The following TENM3 variants were observed in gnomAD, a reference collection of about 807,000 sequenced individuals.
The protein encoded by TENM3 is teneurin-3.
TENM3 carries 63 observed loss-of-function variants against 255.1 expected under a neutral mutation model. That is an observed-to-expected ratio of 0.25 (90% confidence interval 0.20 to 0.30). The LOEUF is 0.30. TENM3 is among the 10% of genes least tolerant of loss of function. The pLI is 1.00. For missense variants in TENM3, 2,929 were observed against 3,461.1 expected, an observed-to-expected ratio of 0.85 and a Z score of 3.86; for synonymous variants, 1,306 against 1,322.3, an observed-to-expected ratio of 0.99 and a Z score of 0.27.
chr4:182,532,455 C>T lies in TENM3; in HGVS notation c.512-68469C>T, dbSNP rs186229800. Among the ~76,000 whole-genome samples, 4 of 152,214 alleles carry T rather than the reference C, an allele frequency of 2.6e-5. 1 individual carries two copies. Among genetic ancestry groups the T allele is most frequent in the Admixed American group, 2.6e-4 (4 of 15,284 alleles). The stretch of plus-strand genomic sequence containing the variant: ...ATGCCATTACTTTTCCTGGATTAAT[C>T]GATTGTAATATCCACTCTCCTGTAT... On this transcript the variant is annotated intron_variant, in intron 3 of 27. Transcript: ENST00000511685.
the TENM3 span, among the ~76,000 whole-genome samples, chr4:181,635,835 G>A: frequency 1.1e-3 from 162 of 152,268 alleles, 3 homozygotes; most frequent in South Asian, 6.0e-3. Flanking sequence ...GGGAGACGGG[G>A]CTTCCTCACA....
At chr4:181,470,180 G>A in the TENM3 span, among the ~76,000 whole-genome samples, 1 of 148,192 alleles carries the variant, frequency 6.7e-6, no homozygotes, top group Non-Finnish European at 1.5e-5. Context: ...AGTATTGTAA[G>A]ATCAAATCAG....
the TENM3 span, among the ~76,000 whole-genome samples, chr4:181,858,387 C>A: frequency 3.3e-4 from 50 of 152,232 alleles, no homozygotes; most frequent in African/African-American, 1.2e-3. Flanking sequence ...GGTAATGAAC[C>A]AGCTATTTCT....
chr4:182,574,453 C>G (rs1744721852), intron 3 of TENM3, among the ~76,000 whole-genome samples: 1 of 151,944 alleles, frequency 6.6e-6, no homozygotes, highest in South Asian at 2.1e-4. Flanking sequence ...GAAACTTTTC[C>G]TTTATTAGTT....
the TENM3 span, among the ~76,000 whole-genome samples, chr4:181,534,474 C>A: frequency 1.0e-3 from 37 of 35,856 alleles, no homozygotes; most frequent in South Asian, 2.9e-3. Flanking sequence ...CTTCCCCCCC[C>A]CCACAGAAAA....
At chr4:181,470,127 ATTATTC>A in the TENM3 span, among the ~76,000 whole-genome samples, 114 of 138,768 alleles carry the variant, frequency 8.2e-4, no homozygotes, top group Middle Eastern at 3.8e-3. Flanking sequence ...AAAAAAAAAC[ATTATTC>A]AAAAGGAACT....
chr4:182,685,693 T>TA (rs1162378292), intron 11 of TENM3, among the ~76,000 whole-genome samples: 1 of 152,098 alleles, frequency 6.6e-6, no homozygotes, highest in African/African-American at 2.4e-5. Context: ...CCTCCATCAG[T>TA]AAAACAGGCA....
At chr4:182,772,321 C>T (rs943606780) in intron 22 of TENM3, among the ~76,000 whole-genome samples, 10 of 152,268 alleles carry the variant, frequency 6.6e-5, no homozygotes, top group South Asian at 2.1e-4. Flanking sequence ...TTTTCACCTA[C>T]GATTATGATC....
intron 1 of TENM3, among the ~76,000 whole-genome samples, chr4:182,259,703 G>C (rs1758658138): frequency 6.6e-6 from 1 of 152,088 alleles, no homozygotes; most frequent in Non-Finnish European, 1.5e-5. Context: ...AATTTGTAAA[G>C]ATCAAATTAG....
At chr4:182,113,489 G>A in the TENM3 span, among the ~76,000 whole-genome samples, 4 of 152,146 alleles carry the variant, frequency 2.6e-5, no homozygotes, top group African/African-American at 9.7e-5. Flanking sequence ...TGAGATAATT[G>A]AGAGTTGACT....
At chr4:182,085,157 T>G in the TENM3 span, 1 of 152,210 alleles carries the variant, frequency 6.6e-6, no homozygotes, top group Non-Finnish European at 1.5e-5. Flanking sequence ...GGTCTCTTTT[T>G]TCCACAGCTT....
At position 182,796,620 on chromosome 4, in the gene TENM3, G is replaced by A. The variant is rs1193972493; in HGVS notation, c.7214-17G>A. ...AACAAACTCCAACACCTTTCATTCT[G>A]AACATTCTTCTCCTAGATGTTAACA... On this transcript the variant is annotated splice_polypyrimidine_tract_variant and intron_variant, in intron 26 of 27. Coordinates refer to ENST00000511685, the MANE Select transcript of TENM3 (RefSeq NM_001080477.4). 3.1e-6 allele frequency: 5 copies of A among 1,589,188 alleles called. No individual in the cohort carries two copies. The highest frequency in any genetic ancestry group is 2.6e-6 in the Non-Finnish European group (3 of 1,168,404).
chr4:181,606,042 T>C, the TENM3 span, among the ~76,000 whole-genome samples: 2 of 152,168 alleles, frequency 1.3e-5, no homozygotes, highest in South Asian at 2.1e-4. Context: ...GGTAAATGAG[T>C]ACCCATCCAG....
chr4:181,855,164 T>C, the TENM3 span, among the ~76,000 whole-genome samples: 2 of 152,336 alleles, frequency 1.3e-5, no homozygotes, highest in African/African-American at 4.8e-5. Flanking sequence ...TGGAAGTAGG[T>C]TGAAGTAAAA....
the TENM3 span, among the ~76,000 whole-genome samples, chr4:181,663,618 G>A: frequency 6.6e-6 from 1 of 152,160 alleles, no homozygotes; most frequent in Non-Finnish European, 1.5e-5. Flanking sequence ...TTAAAGAGCT[G>A]TAGATTTCAG....
chr4:181,605,564 A>AAGAT, the TENM3 span, among the ~76,000 whole-genome samples: 10 of 25,026 alleles, frequency 4.0e-4, 1 homozygote, highest in Admixed American at 5.4e-4. Flanking sequence ...GAAAGAAAGA[A>AAGAT]AGAAAGAGAG....
chr4:182,236,749 C>G (rs566344672), intron 1 of TENM3, among the ~76,000 whole-genome samples: 2 of 152,210 alleles, frequency 1.3e-5, no homozygotes, highest in South Asian at 4.1e-4. Context: ...AAACATGAAG[C>G]AGTATAATTT....
At chr4:182,071,498 T>C in the TENM3 span, among the ~76,000 whole-genome samples, 1 of 149,758 alleles carries the variant, frequency 6.7e-6, no homozygotes, top group Non-Finnish European at 1.5e-5. Flanking sequence ...CATGCTGGAG[T>C]GCAGTGGCGC....
chr4:181,499,788 C>T, the TENM3 span, among the ~76,000 whole-genome samples: 66 of 152,232 alleles, frequency 4.3e-4, 1 homozygote, highest in South Asian at 0.013. Flanking sequence ...AGTAGACACT[C>T]GGGTGTTTCC....
Sources: gnomAD v4.1 joint callset for allele counts (sites outside exome capture counted in the v4.1 genomes callset) on GRCh38, gnomAD v4.1.1 for gene constraint, MANE v1.5 for transcripts, NCBI Gene and HGNC (gene_info 2026-07-23, HGNC 2026-07-21) for gene names.